OR4C6: variants seen among roughly 807,000 people sequenced by gnomAD.
OR4C6 encodes the protein olfactory receptor 4C6.
OR4C6 carries 20 observed loss-of-function variants against 13.9 expected under a neutral mutation model. The observed-to-expected ratio is 1.43, with a 90% CI of 1.01 to 2.08. The LOEUF is 2.08. OR4C6 is among the 30% of genes most tolerant of loss of function. The pLI is 0.00. For synonymous variants in OR4C6, 193 were observed against 141.5 expected (o/e 1.36, Z -2.58); for missense variants, 555 against 381.2 (o/e 1.46, Z -3.80).
Position 55,665,576 on chromosome 11 carries a change from G to A in OR4C6, c.410G>A (p.Arg137Gln), listed in dbSNP as rs759529017. Residue 137 changes from arginine to glutamine, a missense_variant, in exon 2 of 2, where the codon CGG becomes CAG. Arg to Gln is a conservative substitution (Grantham distance 43, BLOSUM62 1). Transcript: ENST00000314259. ...PLHYTIIMSP[R>Q]VCCLMVGGAW... is the part of the protein sequence containing the mutation. ...CACTACACGATCATCATGAGTCCAC[G>A]GGTGTGCTGCCTAATGGTAGGAGGG... 6 of 1,613,754 alleles carry A rather than the reference G, an allele frequency of 3.7e-6. No homozygotes were observed. The African/African-American group carries it at 4.0e-5, about 11-fold the overall frequency.
intron 1 of OR4C6, 34 bp from the exon 2 acceptor site, chr11:55,665,091 G>T (rs1347373482): frequency 5.0e-5 from 46 of 928,394 alleles, no homozygotes; most frequent in Non-Finnish European, 6.8e-5. Flanking sequence ...AGCCAAATTA[G>T]TCACTAATTA....
In OR4C6 at chr11:55,665,578, G is replaced by T. The variant is rs373951774; in HGVS notation, c.412G>T (p.Val138Leu). 13 of 1,613,814 alleles carry T rather than the reference G, an allele frequency of 8.1e-6. No individual in the cohort carries two copies. Among genetic ancestry groups the T allele is most frequent in the Non-Finnish European group, 1.1e-5 (13 of 1,180,008 alleles). ...LHYTIIMSPR[V>L]CCLMVGGAWV... ...CTACACGATCATCATGAGTCCACGG[G>T]TGTGCTGCCTAATGGTAGGAGGGGC... The change falls in exon 2 of 2, where the codon GTG (valine) becomes TTG (leucine). Residue 138 changes from valine (V) to leucine (L), a missense_variant. Transcript: ENST00000314259.
rs1408913370 is a variant in OR4C6 at position 55,666,085 on chromosome 11, G to C, written c.919G>C (p.Ala307Pro). The C allele has an allele frequency of 1.9e-6, 3 of 1,609,126 alleles. No individual in the cohort carries two copies. Among genetic ancestry groups the C allele is most frequent in the African/African-American group, 2.7e-5 (2 of 74,704 alleles). Residue 307 changes from alanine (A) to proline (P), a missense_variant, in exon 2 of 2, where the codon GCT becomes CCT. Ala to Pro is a conservative substitution (Grantham distance 27, BLOSUM62 -1). Transcript: ENST00000314259. Reference sequence around the variant, plus strand: ...ACTCTGGATGAAATGGGAGGCTTTGGCTGGGAAATAACTGCAATGCTGAGA... The same window carrying C: ...ACTCTGGATGAAATGGGAGGCTTTGCCTGGGAAATAACTGCAATGCTGAGA... ...KKLWMKWEALAGK is the reference protein window; with the variant it reads ...KKLWMKWEALPGK
rs199670684 is a variant in OR4C6, at chr11:55,665,424, G to A, written c.258G>A (p.Lys86=). ...APKVIVDTLS[K]STTISLKGCL... is the part of the protein sequence containing the mutation. Reference sequence around the variant, plus strand: ...AGGTGATTGTAGACACCCTCTCCAAGAGCACTACCATCTCTCTCAAAGGCT... The same window carrying A: ...AGGTGATTGTAGACACCCTCTCCAAAAGCACTACCATCTCTCTCAAAGGCT... Residue 86 remains lysine, a synonymous_variant, in exon 2 of 2, where the codon AAG becomes AAA. Coordinates refer to ENST00000314259, the MANE Select transcript of OR4C6 (RefSeq NM_001004704.2). The A allele has an allele frequency of 5.8e-5, 93 of 1,613,758 alleles. No homozygotes were observed. Among genetic ancestry groups the A allele is most frequent in the Non-Finnish European group, 1.0e-5 (12 of 1,179,990 alleles).
At chr11:55,664,364 G>T (rs531378104) in intron 1 of OR4C6, among the ~76,000 whole-genome samples, 1 of 152,144 alleles carries the variant, frequency 6.6e-6, no homozygotes, top group Non-Finnish European at 1.5e-5. Context: ...CAAGTCAGTT[G>T]TATTGGGGAT....
In OR4C6 at chr11:55,665,152, A is replaced by T. The variant is rs755570444; in HGVS notation, c.-15A>T. ...TTCTCAACTCTCAGCTGGAACTCAT[A>T]TCAACACCTGAGAAATGGAAAATCA... On this transcript the variant is annotated 5_prime_UTR_variant, in exon 2 of 2. Transcript: ENST00000314259. 5 of 1,555,704 alleles carry T rather than the reference A, an allele frequency of 3.2e-6. No homozygotes were observed. In the South Asian group the frequency reaches 4.6e-5, roughly 14 times the overall value.
intron 1 of OR4C6, among the ~76,000 whole-genome samples, chr11:55,663,880 ATGTGAAGCTTTGCTTTT>A (rs1353634856): frequency 7.2e-6 from 1 of 137,998 alleles, no homozygotes; most frequent in Non-Finnish European, 1.6e-5. Flanking sequence ...CCAAATATCA[ATGTGAAGCTTTGCTTTT>A]TGCAAAATTT....
At position 55,665,389 on chromosome 11, in the gene OR4C6, G is replaced by T. The variant is rs201388016; in HGVS notation, c.223G>T (p.Val75Phe). ...SLLDVMFSSV[V>F]APKVIVDTLS... ...TTTGGATGTCATGTTCTCATCTGTC[G>T]TTGCCCCCAAGGTGATTGTAGACAC... The change falls in exon 2 of 2, where the codon GTT becomes TTT. Residue 75 changes from valine (V) to phenylalanine (F), a missense_variant. By Grantham distance (50) the Val-to-Phe change is conservative. Coordinates refer to ENST00000314259, the MANE Select transcript of OR4C6 (RefSeq NM_001004704.2). The T allele has an allele frequency of 2.2e-5, 35 of 1,613,320 alleles. No homozygotes were observed. Among genetic ancestry groups the T allele is most frequent in the Non-Finnish European group, 2.6e-5 (31 of 1,179,730 alleles).
chr11:55,664,759 G>A (rs79209859), intron 1 of OR4C6, among the ~76,000 whole-genome samples: 1,976 of 152,030 alleles, frequency 0.013, 68 homozygotes, highest in African/African-American at 0.046. Context: ...ATGAGAGTAC[G>A]TTCCTGTTTC....
chr11:55,662,507 G>A (rs1267496925), intron 1 of OR4C6, among the ~76,000 whole-genome samples: 1 of 139,102 alleles, frequency 7.2e-6, no homozygotes, highest in African/African-American at 2.5e-5. Context: ...TGAGATATGT[G>A]GAAGAAGTAG....
chr11:55,665,139 A>T lies in OR4C6; in HGVS notation c.-28A>T. On this transcript the variant is annotated 5_prime_UTR_variant, in exon 2 of 2. Transcript: ENST00000314259. ...TGCTTATTTAGGATTCTCAACTCTC[A>T]GCTGGAACTCATATCAACACCTGAG... 7.1e-7 allele frequency: 1 copy of T among 1,416,148 alleles called. No individual in the cohort carries two copies. Among genetic ancestry groups the T allele is most frequent in the Non-Finnish European group, 9.8e-7 (1 of 1,018,698 alleles). The allele number at this position is 1,416,148 out of a possible 1,614,324, so 87.7% of individuals were successfully genotyped here.
intron 1 of OR4C6, among the ~76,000 whole-genome samples, chr11:55,663,155 G>C (rs770404899): frequency 7.3e-6 from 1 of 137,600 alleles, no homozygotes; most frequent in Non-Finnish European, 1.6e-5. Flanking sequence ...CTGAATTCAG[G>C]AACATACCCT....
In OR4C6 at chr11:55,665,890, C is replaced by T. The variant is rs1259625066; in HGVS notation, c.724C>T (p.Leu242Phe). The change falls in exon 2 of 2, where the codon CTC (leucine) becomes TTC (phenylalanine). Residue 242 changes from leucine (L) to phenylalanine (F), a missense_variant. Transcript: ENST00000314259. Reference sequence around the variant, plus strand: ...AGCCCTCTCTACCTGCAGCTCCCACCTCACGGTGGTTGTATTGTTCTTTGT... The same window carrying T: ...AGCCCTCTCTACCTGCAGCTCCCACTTCACGGTGGTTGTATTGTTCTTTGT... The part of the protein sequence containing the change: ...HKALSTCSSH[L>F]TVVVLFFVPC... The T allele has an allele frequency of 6.2e-7, 1 of 1,613,970 alleles. No individual in the cohort carries two copies. The highest frequency in any genetic ancestry group is 2.2e-5 in the East Asian group (1 of 44,856).
In OR4C6 at chr11:55,662,365, G is replaced by A. The variant is rs1188892249; in HGVS notation, c.-43+117G>A. 2 of 138,380 alleles carry A rather than the reference G, an allele frequency of 1.4e-5. 1 individual carries two copies. Among genetic ancestry groups the A allele is most frequent in the Non-Finnish European group, 3.2e-5 (2 of 62,266 alleles). 8.6% of individuals were successfully genotyped at this position (138,380 alleles called of 1,614,324 possible). On this transcript the variant is annotated intron_variant, in intron 1 of 1. Coordinates refer to ENST00000314259, the MANE Select transcript of OR4C6 (RefSeq NM_001004704.2). ...ATAGGGAAATAGCAACCAGACTCTAGAAGAGATTTACTTTCACACATGGAG... is the reference window on the plus strand; with the variant it reads ...ATAGGGAAATAGCAACCAGACTCTAAAAGAGATTTACTTTCACACATGGAG...
chr11:55,665,733 C>T lies in OR4C6; in HGVS notation c.567C>T (p.Asp189=), dbSNP rs760826516. ...AGTTGTTGACACTTGCCTGCACGGA[C>T]ACCCACATCCTGGGCCTCTTAGTTA... ...LFQLLTLACT[D]THILGLLVTL... The change falls in exon 2 of 2, where the codon GAC becomes GAT. Residue 189 remains aspartate, a synonymous_variant. Transcript: ENST00000314259. 1.9e-6 allele frequency: 3 copies of T among 1,613,896 alleles called. No individual in the cohort carries two copies. The South Asian group carries it at 3.3e-5, about 18-fold the overall frequency.
chr11:55,665,383 T>A lies in OR4C6; in HGVS notation c.217T>A (p.Ser73Thr), dbSNP rs1478021935. The change falls in exon 2 of 2, where the codon TCT becomes ACT. Residue 73 changes from serine to threonine, a missense_variant. Coordinates refer to ENST00000314259, the MANE Select transcript of OR4C6 (RefSeq NM_001004704.2). ...FLSLLDVMFSSVVAPKVIVDT... is the reference protein window; with the variant it reads ...FLSLLDVMFSTVVAPKVIVDT... ...GTCCCTTTTGGATGTCATGTTCTCATCTGTCGTTGCCCCCAAGGTGATTGT... is the reference window on the plus strand; with the variant it reads ...GTCCCTTTTGGATGTCATGTTCTCAACTGTCGTTGCCCCCAAGGTGATTGT... 2 of 1,613,696 alleles carry A rather than the reference T, an allele frequency of 1.2e-6. No individual in the cohort carries two copies. Among genetic ancestry groups the A allele is most frequent in the South Asian group, 2.2e-5 (2 of 91,070 alleles).
At position 55,665,429 on chromosome 11, in the gene OR4C6, C is replaced by T. The variant is rs758524953; in HGVS notation, c.263C>T (p.Thr88Ile). ...KVIVDTLSKS[T>I]TISLKGCLTQ... ...ATTGTAGACACCCTCTCCAAGAGCACTACCATCTCTCTCAAAGGCTGCCTC... is the reference window on the plus strand; with the variant it reads ...ATTGTAGACACCCTCTCCAAGAGCATTACCATCTCTCTCAAAGGCTGCCTC... Residue 88 changes from threonine to isoleucine, a missense_variant, in exon 2 of 2, where the codon ACT (threonine) becomes ATT (isoleucine). Transcript: ENST00000314259. The T allele has an allele frequency of 3.1e-6, 5 of 1,613,884 alleles. No individual in the cohort carries two copies. In the South Asian group the frequency reaches 3.3e-5, roughly 11 times the overall value.
At position 55,665,470 on chromosome 11, in the gene OR4C6, G is replaced by T. The variant is rs570747653; in HGVS notation, c.304G>T (p.Glu102Ter). 1 of 1,613,788 alleles carries T rather than the reference G, an allele frequency of 6.2e-7. No individual in the cohort carries two copies. Among genetic ancestry groups the T allele is most frequent in the Admixed American group, 1.7e-5 (1 of 59,978 alleles). ...LKGCLTQLFV[E>*]HFFGGVGIIL... ...AGGCTGCCTCACCCAGCTGTTTGTG[G>T]AGCATTTCTTTGGTGGTGTGGGGAT... The change falls in exon 2 of 2, where the codon GAG becomes TAG. Residue 102 changes from glutamate (E) to a stop codon, truncating the protein, a stop_gained. Transcript: ENST00000314259. LOFTEE classifies it high-confidence loss of function.
At position 55,665,766 on chromosome 11, in the gene OR4C6, C is replaced by T. The variant is rs1200409927; in HGVS notation, c.600C>T (p.Asn200=). The T allele has an allele frequency of 6.2e-7, 1 of 1,613,936 alleles. No homozygotes were observed. The highest frequency in any genetic ancestry group is 1.7e-5 in the Admixed American group (1 of 59,998). ...TCCTGGGCCTCTTAGTTACCCTCAA[C>T]AGTGGGATGATGTGTGTGGCCATCT... ...THILGLLVTL[N]SGMMCVAIFL... The change falls in exon 2 of 2, where the codon AAC becomes AAT. Residue 200 remains asparagine (N), a synonymous_variant. Transcript: ENST00000314259.
Sources: gnomAD v4.1 joint callset for allele counts (sites outside exome capture counted in the v4.1 genomes callset) on GRCh38, gnomAD v4.1.1 for gene constraint, MANE v1.5 for transcripts, NCBI Gene and HGNC (gene_info 2026-07-23, HGNC 2026-07-21) for gene names.